The following ZNF385B variants were observed in gnomAD, a reference collection of about 807,000 sequenced individuals.
ZNF385B encodes zinc finger protein 533.
In ZNF385B, 23 loss-of-function variants were observed where a neutral mutation model predicts 39.2. The observed-to-expected ratio is 0.59, with a 90% CI of 0.42 to 0.83. The LOEUF is 0.83. ZNF385B is among the 40% of genes least tolerant of loss of function. The probability of loss-of-function intolerance (pLI) is 0.00; values close to 1 mark genes in which losing one functional copy is unlikely to be tolerated. For missense variants in ZNF385B, 552 were observed against 598.9 expected (o/e 0.92, Z 0.82); for synonymous variants, 205 against 222.6 (o/e 0.92, Z 0.70).
intron 6 of ZNF385B, among the ~76,000 whole-genome samples, chr2:179,473,082 G>A (rs7588860): frequency 0.12 from 18,170 of 152,160 alleles, 1,595 homozygotes; most frequent in East Asian, 0.4. Flanking sequence ...AGAATAGAGT[G>A]CCAGGGGCTG....
chr2:179,648,039 G>C (rs188116700), intron 3 of ZNF385B, among the ~76,000 whole-genome samples: 66 of 152,272 alleles, frequency 4.3e-4, no homozygotes, highest in African/African-American at 1.5e-3. Context: ...CCAGCATGGG[G>C]AGTCAGGGCC....
intron 3 of ZNF385B, among the ~76,000 whole-genome samples, chr2:179,601,034 CAT>C (rs1473556877): frequency 6.6e-6 from 1 of 152,212 alleles, no homozygotes; most frequent in African/African-American, 2.4e-5. Context: ...ATTATAAACA[CAT>C]AGGCCATTTC....
intron 1 of ZNF385B, among the ~76,000 whole-genome samples, chr2:179,773,352 C>G (rs1386687016): frequency 6.6e-6 from 1 of 152,152 alleles, no homozygotes; most frequent in Non-Finnish European, 1.5e-5. Flanking sequence ...TATCCACTTC[C>G]CATTCATTCC....
At chr2:179,624,108 GA>G (rs1690455302) in intron 3 of ZNF385B, among the ~76,000 whole-genome samples, 1 of 152,022 alleles carries the variant, frequency 6.6e-6, no homozygotes. Context: ...TCATTTTTAA[GA>G]GCCTACTTGC....
At chr2:179,510,068 A>C (rs1244011845) in intron 5 of ZNF385B, among the ~76,000 whole-genome samples, 2 of 152,202 alleles carry the variant, frequency 1.3e-5, no homozygotes, top group Non-Finnish European at 2.9e-5. Context: ...ACACATATAC[A>C]TACACTTTAT....
intron 3 of ZNF385B, among the ~76,000 whole-genome samples, chr2:179,749,410 T>C (rs1402337249): frequency 6.6e-6 from 1 of 152,020 alleles, no homozygotes; most frequent in Non-Finnish European, 1.5e-5. Context: ...AGAGCAAATA[T>C]GTTTCACAGC....
At chr2:179,636,662 A>G (rs942532328) in intron 3 of ZNF385B, among the ~76,000 whole-genome samples, 3 of 152,174 alleles carry the variant, frequency 2.0e-5, no homozygotes, top group African/African-American at 7.2e-5. Flanking sequence ...GCTTCACAGC[A>G]ATCATTTGTC....
chr2:179,758,106 T>G (rs12053119), intron 3 of ZNF385B, among the ~76,000 whole-genome samples: 16,799 of 152,102 alleles, frequency 0.11, 1,580 homozygotes, highest in East Asian at 0.49. Flanking sequence ...CTTGCTAGTT[T>G]AAAATTTCTA....
intron 3 of ZNF385B, chr2:179,584,092 G>C (rs1258670245): frequency 2.0e-6 from 1 of 497,066 alleles, no homozygotes; most frequent in African/African-American, 2.0e-5. Flanking sequence ...AAAATAAGTA[G>C]GTAATTACAT....
chr2:179,672,652 C>A (rs1191399373), intron 3 of ZNF385B, among the ~76,000 whole-genome samples: 1 of 152,006 alleles, frequency 6.6e-6, no homozygotes, highest in African/African-American at 2.4e-5. Flanking sequence ...GAATTAGTGC[C>A]CTTATAAAAG....
intron 3 of ZNF385B, chr2:179,576,055 CACA>C (rs1685775776): frequency 2.5e-6 from 2 of 810,498 alleles, no homozygotes; most frequent in African/African-American, 3.7e-5. Context: ...GCAACTCTGG[CACA>C]ACACTTGCCC....
At chr2:179,548,220 T>C (rs1295055959) in intron 3 of ZNF385B, among the ~76,000 whole-genome samples, 1 of 149,704 alleles carries the variant, frequency 6.7e-6, no homozygotes, top group African/African-American at 2.5e-5. Flanking sequence ...TTTCTTTCTC[T>C]TGTCTAAATA....
chr2:179,724,239 G>A lies in ZNF385B; in HGVS notation c.298+45264C>T, dbSNP rs577130973. Among the ~76,000 whole-genome samples, 352 of 152,244 alleles carry A rather than the reference G, an allele frequency of 2.3e-3. 1 individual carries two copies. Among genetic ancestry groups the A allele is most frequent in the Non-Finnish European group, 3.6e-3 (247 of 68,020 alleles). Reference sequence around the variant, plus strand: ...CAGGAGAATCTCTTGAACCTGGGAGGTGAAGTTTGCAGTGAGCCAAGATTG... The same window carrying A: ...CAGGAGAATCTCTTGAACCTGGGAGATGAAGTTTGCAGTGAGCCAAGATTG... On this transcript the variant is annotated intron_variant, in intron 3 of 9. Coordinates refer to ENST00000410066, the MANE Select transcript of ZNF385B (RefSeq NM_152520.6).
In ZNF385B at chr2:179,548,769, C is replaced by T. The variant is rs376733050; in HGVS notation, c.299-3800G>A. Among the ~76,000 whole-genome samples, 9 of 149,028 alleles carry T rather than the reference C, an allele frequency of 6.0e-5. 1 individual carries two copies. Among genetic ancestry groups the T allele is most frequent in the East Asian group, 1.9e-4 (1 of 5,178 alleles). The stretch of plus-strand genomic sequence containing the variant: ...CTTATTCACTATCACAAGAACAGCA[C>T]GGGAAAAACCTGCCCCCATGATTCA... On this transcript the variant is annotated intron_variant, in intron 3 of 9. Transcript: ENST00000410066.
chr2:179,578,511 AG>A (rs1275740182), intron 3 of ZNF385B, among the ~76,000 whole-genome samples: 3 of 152,112 alleles, frequency 2.0e-5, no homozygotes, highest in Non-Finnish European at 4.4e-5. Context: ...TGAGACTATG[AG>A]GCATAGAATG....
intron 3 of ZNF385B, among the ~76,000 whole-genome samples, chr2:179,690,932 G>T (rs574142121): frequency 6.6e-6 from 1 of 152,266 alleles, no homozygotes; most frequent in Non-Finnish European, 1.5e-5. Flanking sequence ...CACTCGATCA[G>T]TTTCCTGAAC....
At chr2:179,834,439 G>A (rs1708141253) in intron 1 of ZNF385B, among the ~76,000 whole-genome samples, 1 of 152,052 alleles carries the variant, frequency 6.6e-6, no homozygotes, top group South Asian at 2.1e-4. Context: ...TCAAATTTGG[G>A]ACAATTACAA....
At chr2:179,572,785 G>A (rs561104028) in intron 3 of ZNF385B, among the ~76,000 whole-genome samples, 1 of 152,238 alleles carries the variant, frequency 6.6e-6, no homozygotes, top group South Asian at 2.1e-4. Flanking sequence ...AAAGACTGAG[G>A]TTGTGCAAGG....
chr2:179,732,510 A>C (rs1475912790), intron 3 of ZNF385B, among the ~76,000 whole-genome samples: 6 of 152,344 alleles, frequency 3.9e-5, no homozygotes, highest in South Asian at 2.1e-4. Context: ...AAATAGCTAG[A>C]TAATCAATAG....
Sources: gnomAD v4.1 joint callset for allele counts (sites outside exome capture counted in the v4.1 genomes callset) on GRCh38, gnomAD v4.1.1 for gene constraint, MANE v1.5 for transcripts, NCBI Gene and HGNC (gene_info 2026-07-23, HGNC 2026-07-21) for gene names.